Variants in PDZD2 observed in about 807,000 individuals in gnomAD.
The protein encoded by PDZD2 is PDZ domain-containing protein 2.
In PDZD2, 90 loss-of-function variants were observed where a neutral mutation model predicts 220.7. That is an observed-to-expected ratio of 0.41 (90% CI 0.34 to 0.49). The LOEUF (loss-of-function observed/expected upper bound fraction) is 0.49. Among genes scored for constraint, PDZD2 ranks in the 20% least tolerant of loss-of-function variants. PDZD2 has a pLI of 0.28. For synonymous variants in PDZD2, 1,375 were observed against 1,450.5 expected, an observed-to-expected ratio of 0.95 and a Z score of 1.18; for missense variants, 3,174 against 3,608.5, an observed-to-expected ratio of 0.88 and a Z score of 3.08.
intron 2 of PDZD2, among the ~76,000 whole-genome samples, chr5:31,973,486 G>T (rs2111798457): frequency 6.6e-6 from 1 of 152,262 alleles, no homozygotes; most frequent in Non-Finnish European, 1.5e-5. Context: ...AACAGAAAAA[G>T]AACTACCTCT....
chr5:32,045,778 G>A (rs1737889799), intron 7 of PDZD2, among the ~76,000 whole-genome samples: 3 of 151,136 alleles, frequency 2.0e-5, no homozygotes. Flanking sequence ...AATTTCATAT[G>A]TTTAAAAACC....
intron 1 of PDZD2, among the ~76,000 whole-genome samples, chr5:31,698,192 C>T (rs1747455995): frequency 6.7e-6 from 1 of 149,452 alleles, no homozygotes; most frequent in Admixed American, 6.7e-5. Flanking sequence ...GCGTGAGCCA[C>T]CGCACCCGGC....
intron 2 of PDZD2, among the ~76,000 whole-genome samples, chr5:31,868,653 C>G (rs1738455095): frequency 6.6e-6 from 1 of 152,066 alleles, no homozygotes; most frequent in Non-Finnish European, 1.5e-5. Flanking sequence ...ACTCCTGGGC[C>G]CCTTGTTCTG....
At chr5:31,858,692 C>T (rs1758668138) in intron 2 of PDZD2, among the ~76,000 whole-genome samples, 3 of 151,900 alleles carry the variant, frequency 2.0e-5, no homozygotes, top group South Asian at 2.1e-4. Flanking sequence ...TTTCTCTTTT[C>T]CTTCCTTCAT....
At chr5:31,701,024 G>C (rs1188218763) in intron 1 of PDZD2, among the ~76,000 whole-genome samples, 1 of 152,168 alleles carries the variant, frequency 6.6e-6, no homozygotes, top group Non-Finnish European at 1.5e-5. Flanking sequence ...CCCAAGGGGG[G>C]ACAGGTGTGC....
chr5:31,745,067 C>T (rs184531075), intron 1 of PDZD2, among the ~76,000 whole-genome samples: 5 of 151,698 alleles, frequency 3.3e-5, no homozygotes, highest in East Asian at 1.9e-4. Context: ...AGGGAGACTC[C>T]GTCTCAAAAA....
Position 32,057,873 on chromosome 5 carries a change from C to A in PDZD2, c.1975-5C>A. The stretch of plus-strand genomic sequence containing the variant: ...TCAGCCCACCTTTCCTCACTGTTTT[C>A]TCAGCAAATCCGGAGTGGATTATTT... On this transcript the variant is annotated splice_polypyrimidine_tract_variant and splice_region_variant and intron_variant, in intron 11 of 24. Coordinates refer to ENST00000438447, the MANE Select transcript of PDZD2 (RefSeq NM_178140.4). 1 of 1,570,140 alleles carries A rather than the reference C, an allele frequency of 6.4e-7. No homozygotes were observed.
chr5:32,073,756 G>C, intron 17 of PDZD2, 76 bp from the exon 18 acceptor site: 3 of 887,506 alleles, frequency 3.4e-6, no homozygotes, highest in Non-Finnish European at 5.4e-6. Flanking sequence ...TATGTGTAAT[G>C]ATGGGGTCAG....
chr5:31,738,275 G>C (rs1391526192), intron 1 of PDZD2: 1 of 152,288 alleles, frequency 6.6e-6, no homozygotes, highest in East Asian at 1.9e-4. Context: ...ATGATCCTTG[G>C]AGGGGCTTCT....
chr5:31,731,227 G>A (rs1054936545), intron 1 of PDZD2, among the ~76,000 whole-genome samples: 5 of 152,148 alleles, frequency 3.3e-5, no homozygotes, highest in Non-Finnish European at 7.3e-5. Flanking sequence ...TGGTTAAGAG[G>A]TTAAGAGGCC....
intron 2 of PDZD2, among the ~76,000 whole-genome samples, chr5:31,846,026 C>T (rs1399074460): frequency 1.3e-5 from 2 of 152,216 alleles, no homozygotes; most frequent in African/African-American, 4.8e-5. Context: ...ATCTTTGGAT[C>T]AGAAACCATT....
intron 7 of PDZD2, among the ~76,000 whole-genome samples, chr5:32,041,061 G>A (rs1423166891): frequency 6.7e-6 from 1 of 150,012 alleles, no homozygotes; most frequent in African/African-American, 2.5e-5. Context: ...CCCCGTCTGG[G>A]AAGTGGGGAG....
intron 12 of PDZD2, among the ~76,000 whole-genome samples, chr5:32,058,729 A>G (rs1191189150): frequency 6.6e-6 from 1 of 151,874 alleles, no homozygotes; most frequent in Non-Finnish European, 1.5e-5. Context: ...CTAATATAAA[A>G]TTTTAAAGAA....
At chr5:31,670,517 A>G (rs965091220) in intron 1 of PDZD2, among the ~76,000 whole-genome samples, 2 of 152,076 alleles carry the variant, frequency 1.3e-5, no homozygotes, top group Non-Finnish European at 2.9e-5. Flanking sequence ...CCCGGGTTCA[A>G]ACGATGCTCC....
intron 2 of PDZD2, among the ~76,000 whole-genome samples, chr5:31,980,840 GT>G (rs1750234442): frequency 6.6e-6 from 1 of 152,184 alleles, no homozygotes; most frequent in Admixed American, 6.5e-5. Flanking sequence ...CTGGAGTGCA[GT>G]GGCGCGATCT....
At chr5:31,730,474 C>T (rs1749457973) in intron 1 of PDZD2, among the ~76,000 whole-genome samples, 1 of 152,060 alleles carries the variant, frequency 6.6e-6, no homozygotes, top group African/African-American at 2.4e-5. Flanking sequence ...AGAGGGTCGG[C>T]CCTCCAGCCT....
rs113276139 is a variant in PDZD2 at position 32,045,589 on chromosome 5, T to G, written c.1520-2950T>G. Among the ~76,000 whole-genome samples the G allele has an allele frequency of 2.0e-4, 26 of 127,290 alleles. No individual in the cohort carries two copies. In the East Asian group the frequency reaches 4.4e-3, roughly 22 times the overall value. 83.5% of individuals were successfully genotyped at this position (127,290 alleles called of 152,430 possible). A position where few individuals can be genotyped will look rare whatever the true frequency, so the allele number is the denominator to read the frequency against. On this transcript the variant is annotated intron_variant, in intron 7 of 24. Coordinates refer to ENST00000438447, the MANE Select transcript of PDZD2 (RefSeq NM_178140.4). ...GCACATATACCACCACGCCCAGCTG[T>G]TTTTTTTTTTTGTATTTTTAGTAGA...
chr5:31,895,928 C>T (rs1466971107), intron 2 of PDZD2, among the ~76,000 whole-genome samples: 2 of 152,130 alleles, frequency 1.3e-5, no homozygotes, highest in Non-Finnish European at 1.5e-5. Flanking sequence ...TAAGCTCCAG[C>T]GATGTGCCAG....
rs1293312821 is a variant in PDZD2, at chr5:31,975,793, C to T, written c.477-7362C>T. ...ATGAGCACACTGAAGGTATCAGTCA[C>T]TTTTTTTTTATTTATTTTTTTTTTT... On this transcript the variant is annotated intron_variant, in intron 2 of 24. Transcript: ENST00000438447. 1.0e-3 allele frequency among the ~76,000 whole-genome samples: 55 copies of T among 55,158 alleles called. 1 individual carries two copies. Among genetic ancestry groups the T allele is most frequent in the African/African-American group, 1.8e-3 (21 of 11,804 alleles). 36.2% of individuals were successfully genotyped at this position (55,158 alleles called of 152,430 possible).
Sources: gnomAD v4.1 joint callset for allele counts (sites outside exome capture counted in the v4.1 genomes callset) on GRCh38, gnomAD v4.1.1 for gene constraint, MANE v1.5 for transcripts, NCBI Gene and HGNC (gene_info 2026-07-23, HGNC 2026-07-21) for gene names.